RBFOX1: variants seen among roughly 807,000 people sequenced by gnomAD.
RBFOX1 encodes RNA binding fox-1 homolog 1, also known as RNA binding protein fox-1 homolog 1.
Under a neutral mutation model 57.7 loss-of-function variants are expected in RBFOX1, and 8 were observed. The ratio of observed to expected loss-of-function variants is 0.14; its 90% CI spans 0.08 to 0.25. The LOEUF is 0.25. Ranked by LOEUF, RBFOX1 falls within the 10% of genes least tolerant of loss-of-function variation. RBFOX1 has a pLI of 1.00. For synonymous variants in RBFOX1, 326 were observed against 222.4 expected (o/e 1.47, Z -4.15); for missense variants, 611 against 548.5 (o/e 1.11, Z -1.14).
intron 2 of RBFOX1, among the ~76,000 whole-genome samples, chr16:6,613,138 C>G (rs1055254738): frequency 6.6e-6 from 1 of 151,870 alleles, no homozygotes; most frequent in African/African-American, 2.4e-5. Flanking sequence ...GTGCATGTGC[C>G]TTGATCTATA....
intron 2 of RBFOX1, among the ~76,000 whole-genome samples, chr16:5,503,573 A>G (rs2043275799): frequency 6.6e-6 from 1 of 152,150 alleles, no homozygotes; most frequent in East Asian, 1.9e-4. Flanking sequence ...CCTCCTGAGT[A>G]GCTGGGACTA....
At chr16:7,075,122 G>A (rs988285512) in intron 4 of RBFOX1, among the ~76,000 whole-genome samples, 1 of 152,188 alleles carries the variant, frequency 6.6e-6, no homozygotes, top group Non-Finnish European at 1.5e-5. Context: ...TACTCATGGG[G>A]CTGAGGCTGT....
intron 4 of RBFOX1, among the ~76,000 whole-genome samples, chr16:7,346,765 C>G (rs1054935594): frequency 6.6e-6 from 1 of 152,158 alleles, no homozygotes. Flanking sequence ...CCATAAGATT[C>G]ATGAGACCCA....
At chr16:6,071,777 C>A (rs1421679702) in intron 1 of RBFOX1, among the ~76,000 whole-genome samples, 3 of 152,180 alleles carry the variant, frequency 2.0e-5, no homozygotes, top group Non-Finnish European at 4.4e-5. Context: ...CCACCATTCT[C>A]CCCTCAGCTT....
chr16:5,611,719 T>TGTCCATCCATCCATCCATCCATCC (rs2047801150), intron 3 of RBFOX1, among the ~76,000 whole-genome samples: 1 of 114,584 alleles, frequency 8.7e-6, no homozygotes, highest in Admixed American at 9.0e-5. Context: ...TCCATCCATC[T>TGTCCATCCATCCATCCATCCATCC]ATCCATCCAT....
intron 3 of RBFOX1, among the ~76,000 whole-genome samples, chr16:6,752,911 T>C (rs2075192685): frequency 6.6e-6 from 1 of 152,130 alleles, no homozygotes; most frequent in Admixed American, 6.6e-5. Context: ...TTTATCTTCC[T>C]GTTGGCAATA....
At chr16:7,144,586 G>A (rs1294333182) in intron 4 of RBFOX1, among the ~76,000 whole-genome samples, 2 of 151,678 alleles carry the variant, frequency 1.3e-5, no homozygotes, top group Non-Finnish European at 2.9e-5. Context: ...TACTGCGCCT[G>A]AATCTAGACC....
At chr16:7,363,630 C>G (rs2097373853) in intron 4 of RBFOX1, among the ~76,000 whole-genome samples, 1 of 152,164 alleles carries the variant, frequency 6.6e-6, no homozygotes, top group Non-Finnish European at 1.5e-5. Flanking sequence ...TTCACAGAAC[C>G]TTTAAACACA....
chr16:5,698,079 A>C (rs117194089), intron 3 of RBFOX1, among the ~76,000 whole-genome samples: 1 of 152,186 alleles, frequency 6.6e-6, no homozygotes, highest in Non-Finnish European at 1.5e-5. Flanking sequence ...TTTTTGGACT[A>C]AACATTATTT....
intron 9 of RBFOX1, among the ~76,000 whole-genome samples, chr16:7,598,204 A>T (rs1602950678): frequency 1.3e-5 from 2 of 152,206 alleles, no homozygotes; most frequent in East Asian, 3.8e-4. Context: ...AAAGCAATGC[A>T]GTAAGTTAAA....
At chr16:5,726,443 C>T (rs1412373812) in intron 3 of RBFOX1, among the ~76,000 whole-genome samples, 2 of 152,182 alleles carry the variant, frequency 1.3e-5, no homozygotes, top group Admixed American at 1.3e-4. Flanking sequence ...GCCAAGGTCG[C>T]CACCAGCAAG....
rs575918772 is a variant in RBFOX1 at position 5,585,264 on chromosome 16, G to A, written c.259-13638G>A. Among the ~76,000 whole-genome samples the A allele has an allele frequency of 2.8e-3, 431 of 152,246 alleles. 1 individual carries two copies. Among genetic ancestry groups the A allele is most frequent in the Non-Finnish European group, 4.8e-3 (328 of 68,030 alleles). On this transcript the variant is annotated intron_variant, in intron 2 of 2. Coordinates refer to the RBFOX1 transcript ENST00000585867. The stretch of plus-strand genomic sequence containing the variant: ...TTTCACATCAGTAAAATTATGCAAT[G>A]TATGGTATTGGTAACTGGCTGCTTT...
At chr16:6,885,375 A>T (rs186595291) in intron 3 of RBFOX1, among the ~76,000 whole-genome samples, 1 of 152,280 alleles carries the variant, frequency 6.6e-6, no homozygotes, top group East Asian at 1.9e-4. Flanking sequence ...GGGTTGCCGA[A>T]GCATGCTCAT....
At chr16:6,258,540 A>C (rs1347572182) in intron 1 of RBFOX1, among the ~76,000 whole-genome samples, 1 of 152,200 alleles carries the variant, frequency 6.6e-6, no homozygotes. Flanking sequence ...AAAAACCTTC[A>C]GTGGCTCCCT....
At chr16:5,967,947 T>G (rs2059881429) in intron 4 of RBFOX1, among the ~76,000 whole-genome samples, 1 of 152,216 alleles carries the variant, frequency 6.6e-6, no homozygotes, top group Non-Finnish European at 1.5e-5. Flanking sequence ...GTGTCTCCAT[T>G]GTCAGATCAT....
chr16:5,489,237 C>T (rs2042746005), intron 2 of RBFOX1, among the ~76,000 whole-genome samples: 1 of 152,212 alleles, frequency 6.6e-6, no homozygotes, highest in South Asian at 2.1e-4. Flanking sequence ...CTCATGCTTC[C>T]CTTGGCTGTG....
At chr16:7,052,893 T>A (rs1401698107) in intron 4 of RBFOX1, among the ~76,000 whole-genome samples, 4 of 152,226 alleles carry the variant, frequency 2.6e-5, no homozygotes, top group African/African-American at 9.6e-5. Context: ...CTAATGGAAG[T>A]TGGCAGTTTT....
At chr16:5,249,427 A>C (rs2062389342) in intron 1 of RBFOX1, among the ~76,000 whole-genome samples, 1 of 152,142 alleles carries the variant, frequency 6.6e-6, no homozygotes, top group African/African-American at 2.4e-5. Context: ...CTGTCGGCTT[A>C]AGTTGCAAGG....
intron 7 of RBFOX1, among the ~76,000 whole-genome samples, chr16:7,591,485 G>A (rs1034122446): frequency 1.3e-5 from 2 of 152,178 alleles, no homozygotes; most frequent in African/African-American, 4.8e-5. Context: ...ACAATAACTA[G>A]GATACAAGAG....
Sources: gnomAD v4.1 joint callset for allele counts (sites outside exome capture counted in the v4.1 genomes callset) on GRCh38, gnomAD v4.1.1 for gene constraint, MANE v1.5 for transcripts, NCBI Gene and HGNC (gene_info 2026-07-23, HGNC 2026-07-21) for gene names.